USH2A: variants seen among roughly 807,000 people sequenced by gnomAD.
USH2A encodes the protein Usher syndrome 2A (autosomal recessive, mild).
Under a neutral mutation model 538.9 loss-of-function variants are expected in USH2A, and 443 were observed. That is an observed-to-expected ratio of 0.82 (90% CI 0.76 to 0.89). The LOEUF is 0.89. Ranked by LOEUF, USH2A falls within the 40% of genes least tolerant of loss-of-function variation. The pLI is 0.00. For missense variants in USH2A, 6,633 were observed against 6,324.8 expected, an observed-to-expected ratio of 1.05 and a Z score of -1.65; for synonymous variants, 2,413 against 2,273.5, an observed-to-expected ratio of 1.06 and a Z score of -1.75.
At chr1:215,904,379 T>C (rs749956519) in intron 38 of USH2A, among the ~76,000 whole-genome samples, 2 of 152,126 alleles carry the variant, frequency 1.3e-5, no homozygotes, top group Non-Finnish European at 2.9e-5. Context: ...TGGTACACTT[T>C]GAATATATTA....
chr1:216,321,023 T>C (rs115936056), intron 9 of USH2A, among the ~76,000 whole-genome samples: 2,042 of 152,236 alleles, frequency 0.013, 23 homozygotes, highest in Non-Finnish European at 0.017. Flanking sequence ...ACTTAAGATA[T>C]AGAATTCTAA....
chr1:216,304,596 T>C (rs1478442340), intron 9 of USH2A, among the ~76,000 whole-genome samples: 1 of 152,080 alleles, frequency 6.6e-6, no homozygotes, highest in Non-Finnish European at 1.5e-5. Context: ...CCTTGAGGTG[T>C]GACCTTAGAT....
At chr1:215,630,870 A>G (rs1656260920) in intron 70 of USH2A, among the ~76,000 whole-genome samples, 1 of 151,918 alleles carries the variant, frequency 6.6e-6, no homozygotes, top group South Asian at 2.1e-4. Context: ...AAATTAAAAA[A>G]AAAAAAACCT....
chr1:216,072,831 A>T, intron 29 of USH2A, 58 bp downstream of exon 29: 3 of 1,474,424 alleles, frequency 2.0e-6, no homozygotes, highest in Non-Finnish European at 2.8e-6. Flanking sequence ...TTTTATATAA[A>T]TGCACAAATA....
At chr1:215,681,274 T>C (rs1393762229) in intron 61 of USH2A, among the ~76,000 whole-genome samples, 1 of 151,806 alleles carries the variant, frequency 6.6e-6, no homozygotes, top group Admixed American at 6.6e-5. Context: ...CCTTTTAAAG[T>C]AGGAATTATG....
intron 27 of USH2A, among the ~76,000 whole-genome samples, chr1:216,074,324 T>TTCTCTC (rs35866358): frequency 3.0e-4 from 45 of 149,176 alleles, no homozygotes; most frequent in African/African-American, 8.6e-4. Flanking sequence ...AGCGTGCATG[T>TTCTCTC]TCTCTCTCTC....
chr1:215,760,924 T>C (rs1660963414), intron 56 of USH2A, among the ~76,000 whole-genome samples: 1 of 152,218 alleles, frequency 6.6e-6, no homozygotes, highest in Non-Finnish European at 1.5e-5. Flanking sequence ...AGTGAATATG[T>C]AAGCCAGTGT....
chr1:216,163,458 A>T (rs1441253523), intron 21 of USH2A, among the ~76,000 whole-genome samples: 1 of 151,698 alleles, frequency 6.6e-6, no homozygotes, highest in Non-Finnish European at 1.5e-5. Context: ...TTACTTGAGG[A>T]TATGTTTCTA....
chr1:216,246,699 T>A lies in USH2A; in HGVS notation c.2695A>T (p.Met899Leu), dbSNP rs755306976. 6.2e-7 allele frequency: 1 copy of A among 1,614,072 alleles called. No individual in the cohort carries two copies. The highest frequency in any genetic ancestry group is 1.7e-5 in the Admixed American group (1 of 60,014). The change falls in exon 13 of 72, where the codon ATG becomes TTG. Residue 899 changes from methionine (M) to leucine (L), a missense_variant. Met to Leu is a conservative substitution (Grantham distance 15, BLOSUM62 2). Transcript: ENST00000307340. ...GTCCCCAAGGAATCACACTCACACA[T>A]CTGGCAGTGTTGAAAATTGTCAATG... ...LTIDNFQHCQ[M>L]CECDSLGTLP...
intron 3 of USH2A, among the ~76,000 whole-genome samples, chr1:216,367,996 G>T (rs1182185405): frequency 6.6e-6 from 1 of 152,168 alleles, no homozygotes; most frequent in Non-Finnish European, 1.5e-5. Flanking sequence ...TGTCTTGAAT[G>T]AATGAATTGA....
chr1:216,409,417 T>A (rs1558075719), intron 3 of USH2A, among the ~76,000 whole-genome samples: 1 of 151,982 alleles, frequency 6.6e-6, no homozygotes, highest in Non-Finnish European at 1.5e-5. Flanking sequence ...TGAGCCCAAA[T>A]AGACAGAGAA....
chr1:216,101,840 G>T (rs1303036225), intron 21 of USH2A, among the ~76,000 whole-genome samples: 1 of 152,112 alleles, frequency 6.6e-6, no homozygotes, highest in Non-Finnish European at 1.5e-5. Context: ...TGTACAAATG[G>T]TATACATGAG....
At chr1:216,047,251 G>A (rs943528341) in intron 31 of USH2A, among the ~76,000 whole-genome samples, 1 of 152,082 alleles carries the variant, frequency 6.6e-6, no homozygotes, top group Non-Finnish European at 1.5e-5. Context: ...ACAAGAGCAG[G>A]GATCTCTCTG....
At chr1:216,309,691 T>C (rs926189467) in intron 9 of USH2A, among the ~76,000 whole-genome samples, 1 of 152,100 alleles carries the variant, frequency 6.6e-6, no homozygotes, top group Non-Finnish European at 1.5e-5. Flanking sequence ...TTTTTATACA[T>C]ATTTTCTATT....
chr1:216,102,013 A>G (rs1427571524), intron 21 of USH2A, among the ~76,000 whole-genome samples: 3 of 152,194 alleles, frequency 2.0e-5, no homozygotes, highest in Non-Finnish European at 4.4e-5. Flanking sequence ...AAGAATTCTT[A>G]AACGATAAAT....
intron 61 of USH2A, among the ~76,000 whole-genome samples, chr1:215,706,689 T>A (rs1022591440): frequency 1.3e-5 from 2 of 152,210 alleles, no homozygotes; most frequent in Non-Finnish European, 2.9e-5. Flanking sequence ...ATAATAGGAT[T>A]TAAATTTTCC....
In USH2A at chr1:215,828,971, T is replaced by C. The variant is rs566586220; in HGVS notation, c.9371+9020A>G. Among the ~76,000 whole-genome samples the C allele has an allele frequency of 2.6e-5, 4 of 152,304 alleles. No individual in the cohort carries two copies. The South Asian group carries it at 8.3e-4, about 32-fold the overall frequency. ...CGTTATCTTCATCCAGGTCAGTCTC[T>C]ACATTCTCGAGGACCAGAATTAATG... On this transcript the variant is annotated intron_variant, in intron 47 of 71. Transcript: ENST00000307340.
At chr1:216,415,984 G>A (rs1202912007) in intron 3 of USH2A, among the ~76,000 whole-genome samples, 1 of 151,962 alleles carries the variant, frequency 6.6e-6, no homozygotes, top group African/African-American at 2.4e-5. Flanking sequence ...GGCCAACAAT[G>A]GTGAAACTCC....
intron 32 of USH2A, among the ~76,000 whole-genome samples, chr1:216,030,235 A>C (rs956907187): frequency 7.7e-4 from 108 of 139,844 alleles, no homozygotes; most frequent in African/African-American, 2.7e-3. Flanking sequence ...ATATATAGAT[A>C]TACATCACAG....
Sources: gnomAD v4.1 joint callset for allele counts (sites outside exome capture counted in the v4.1 genomes callset) on GRCh38, gnomAD v4.1.1 for gene constraint, MANE v1.5 for transcripts, NCBI Gene and HGNC (gene_info 2026-07-23, HGNC 2026-07-21) for gene names.